NSMCE2: variants seen among roughly 807,000 people sequenced by gnomAD.
NSMCE2 encodes the protein E3 SUMO-protein ligase NSE2.
A neutral mutation model predicts 23.8 loss-of-function variants in NSMCE2; 24 were observed. The ratio of observed to expected loss-of-function variants is 1.01; its 90% CI spans 0.73 to 1.42. The LOEUF (loss-of-function observed/expected upper bound fraction) is 1.42, where lower values mean the gene tolerates loss of function less well. Ranked by LOEUF, NSMCE2 falls within the 40% of genes most tolerant of loss-of-function variation. NSMCE2 has a pLI of 0.00. For missense variants in NSMCE2, 284 were observed against 296.5 expected (o/e 0.96, Z 0.31); for synonymous variants, 92 against 94.1 (o/e 0.98, Z 0.13).
At chr8:125,200,789 C>G (rs1472863059) in intron 5 of NSMCE2, among the ~76,000 whole-genome samples, 1 of 152,224 alleles carries the variant, frequency 6.6e-6, no homozygotes, top group African/African-American at 2.4e-5. Flanking sequence ...GTACCATACT[C>G]CCTGTCACTT....
chr8:125,099,069 G>A (rs753976598), intron 1 of NSMCE2, among the ~76,000 whole-genome samples: 4 of 152,122 alleles, frequency 2.6e-5, no homozygotes, highest in Non-Finnish European at 5.9e-5. Context: ...CCACTAATGT[G>A]CCATGCGTTG....
intron 3 of NSMCE2, among the ~76,000 whole-genome samples, chr8:125,142,477 C>A (rs76286469): frequency 9.7e-4 from 148 of 152,242 alleles, no homozygotes; most frequent in African/African-American, 3.3e-3. Context: ...ATAAAGGTGA[C>A]TACTTCTTGA....
chr8:125,225,959 A>G (rs1397641898), intron 5 of NSMCE2, among the ~76,000 whole-genome samples: 5 of 152,348 alleles, frequency 3.3e-5, no homozygotes, highest in Non-Finnish European at 5.9e-5. Flanking sequence ...TTTGCCATTT[A>G]ACCAAAGTGA....
rs1387354813 is a variant in NSMCE2 at position 125,110,759 on chromosome 8, G to GTT, written c.157+8273_157+8274dup. ...TTTTGCTTAGATAATTTTGGTTGTT[G>GTT]TTGTTTTTTTTTTTTTTTTTTTTTT... On this transcript the variant is annotated intron_variant, in intron 3 of 7. Coordinates refer to ENST00000287437, the MANE Select transcript of NSMCE2 (RefSeq NM_173685.4). Among the ~76,000 whole-genome samples, 424 of 57,922 alleles carry GTT rather than the reference G, an allele frequency of 7.3e-3. 5 individuals are homozygous for GTT. The highest frequency in any genetic ancestry group is 0.03 in the African/African-American group (403 of 13,578). 38.0% of individuals were successfully genotyped at this position (57,922 alleles called of 152,430 possible). A position where few individuals can be genotyped will look rare whatever the true frequency, so the allele number is the denominator to read the frequency against.
At chr8:125,229,307 G>A (rs959742356) in intron 5 of NSMCE2, among the ~76,000 whole-genome samples, 1 of 152,168 alleles carries the variant, frequency 6.6e-6, no homozygotes, top group African/African-American at 2.4e-5. Flanking sequence ...GGCAACCTAT[G>A]TTACATTAGA....
intron 5 of NSMCE2, among the ~76,000 whole-genome samples, chr8:125,337,820 G>C (rs1433365068): frequency 6.6e-6 from 1 of 150,878 alleles, no homozygotes; most frequent in Non-Finnish European, 1.5e-5. Flanking sequence ...GCTTGAACCT[G>C]GGAGGTGGAG....
At chr8:125,146,146 A>G (rs1319910433) in intron 3 of NSMCE2, among the ~76,000 whole-genome samples, 1 of 152,184 alleles carries the variant, frequency 6.6e-6, no homozygotes, top group Non-Finnish European at 1.5e-5. Flanking sequence ...ACAGATTGCC[A>G]ACGGAGCTGA....
intron 5 of NSMCE2, among the ~76,000 whole-genome samples, chr8:125,311,341 A>T (rs1828965726): frequency 6.6e-6 from 1 of 151,400 alleles, no homozygotes; most frequent in Non-Finnish European, 1.5e-5. Context: ...AGAAATCTGT[A>T]AAAAAAAATG....
intron 5 of NSMCE2, among the ~76,000 whole-genome samples, chr8:125,259,194 C>CAGA (rs1238031133): frequency 6.6e-6 from 1 of 151,340 alleles, no homozygotes; most frequent in Non-Finnish European, 1.5e-5. Context: ...CTGGCCTACT[C>CAGA]ACAGAGCTTT....
chr8:125,329,614 G>C (rs1172150817), intron 5 of NSMCE2, among the ~76,000 whole-genome samples: 2 of 152,100 alleles, frequency 1.3e-5, no homozygotes, highest in Non-Finnish European at 2.9e-5. Context: ...GATATACTGG[G>C]ACAAACCTTG....
At chr8:125,218,599 G>A (rs552929282) in intron 5 of NSMCE2, among the ~76,000 whole-genome samples, 29 of 151,986 alleles carry the variant, frequency 1.9e-4, no homozygotes, top group Admixed American at 3.3e-4. Context: ...TTTAGTAGAC[G>A]TGGGGTTTCG....
chr8:125,221,898 C>A (rs1457403900), intron 5 of NSMCE2, among the ~76,000 whole-genome samples: 1 of 152,086 alleles, frequency 6.6e-6, no homozygotes, highest in Admixed American at 6.6e-5. Context: ...GGATGTTCAA[C>A]CTATAAATGA....
At chr8:125,122,329 T>C (rs1363765381) in intron 3 of NSMCE2, among the ~76,000 whole-genome samples, 1 of 152,206 alleles carries the variant, frequency 6.6e-6, no homozygotes, top group Admixed American at 6.5e-5. Flanking sequence ...CTTTGTTTGA[T>C]TGTTTCTCTA....
chr8:125,295,880 G>A (rs1828301724), intron 5 of NSMCE2, among the ~76,000 whole-genome samples: 1 of 152,124 alleles, frequency 6.6e-6, no homozygotes. Context: ...TGAAACTGAA[G>A]CATATCATGA....
intron 3 of NSMCE2, among the ~76,000 whole-genome samples, chr8:125,138,592 G>C (rs1259187832): frequency 6.6e-6 from 1 of 152,060 alleles, no homozygotes; most frequent in Admixed American, 6.6e-5. Flanking sequence ...TGTAATAGTA[G>C]TATTATCATA....
chr8:125,248,412 TATC>T (rs1826075525), intron 5 of NSMCE2, among the ~76,000 whole-genome samples: 1 of 152,192 alleles, frequency 6.6e-6, no homozygotes, highest in Non-Finnish European at 1.5e-5. Context: ...GCAAAATTAA[TATC>T]ATCAGGCTAA....
At chr8:125,155,523 C>A (rs1269383817) in intron 4 of NSMCE2, among the ~76,000 whole-genome samples, 1 of 152,152 alleles carries the variant, frequency 6.6e-6, no homozygotes, top group Admixed American at 6.5e-5. Flanking sequence ...TGAGTGCCTA[C>A]TATGTGCCAG....
intron 5 of NSMCE2, among the ~76,000 whole-genome samples, chr8:125,344,495 G>A (rs1028377098): frequency 6.6e-6 from 1 of 152,130 alleles, no homozygotes; most frequent in Non-Finnish European, 1.5e-5. Context: ...TGTAAGCCCA[G>A]CACTTTGGGA....
intron 3 of NSMCE2, among the ~76,000 whole-genome samples, chr8:125,123,601 C>T (rs1819370389): frequency 6.6e-6 from 1 of 152,218 alleles, no homozygotes. Flanking sequence ...TGCGCACACG[C>T]ACACAAACAC....
Sources: gnomAD v4.1 joint callset for allele counts (sites outside exome capture counted in the v4.1 genomes callset) on GRCh38, gnomAD v4.1.1 for gene constraint, MANE v1.5 for transcripts, NCBI Gene and HGNC (gene_info 2026-07-23, HGNC 2026-07-21) for gene names.